RAMP1: variants seen among roughly 807,000 people sequenced by gnomAD.
RAMP1 encodes receptor activity-modifying protein 1.
In RAMP1, 7 loss-of-function variants were observed where a neutral mutation model predicts 8.2. That is an observed-to-expected ratio of 0.85 (90% confidence interval 0.49 to 1.60). The LOEUF is 1.60. Ranked by LOEUF, RAMP1 falls within the 40% of genes most tolerant of loss-of-function variation. RAMP1 has a pLI of 0.00. For missense variants in RAMP1, 192 were observed against 202.4 expected, an observed-to-expected ratio of 0.95 and a Z score of 0.31; for synonymous variants, 92 against 84.7, an observed-to-expected ratio of 1.09 and a Z score of -0.47.
chr2:237,872,151 G>A (rs556875653), intron 1 of RAMP1, among the ~76,000 whole-genome samples: 1 of 152,184 alleles, frequency 6.6e-6, no homozygotes, highest in Non-Finnish European at 1.5e-5. Context: ...AGTATGGATC[G>A]AGCCTGCGCT....
At chr2:237,873,553 A>G (rs13400483) in intron 1 of RAMP1, among the ~76,000 whole-genome samples, 3,462 of 152,194 alleles carry the variant, frequency 0.023, 125 homozygotes, top group African/African-American at 0.076. Context: ...GAACCCCCTC[A>G]AGCAACACTG....
At chr2:237,863,586 T>C (rs2062152048) in intron 1 of RAMP1, among the ~76,000 whole-genome samples, 1 of 152,204 alleles carries the variant, frequency 6.6e-6, no homozygotes, top group Admixed American at 6.5e-5. Context: ...AAAATATTTT[T>C]TTCCTAAGAT....
At chr2:237,897,744 G>A (rs2062555174) in intron 2 of RAMP1, among the ~76,000 whole-genome samples, 1 of 145,584 alleles carries the variant, frequency 6.9e-6, no homozygotes, top group Non-Finnish European at 1.5e-5. Context: ...CGTGGATGCT[G>A]TCATTCTTCT....
rs2062325379 is a variant in RAMP1, at chr2:237,877,870, C to A, written c.191+508C>A. The A allele has an allele frequency of 1.2e-6, 1 of 809,528 alleles. No homozygotes were observed. The highest frequency in any genetic ancestry group is 1.5e-6 in the Non-Finnish European group (1 of 669,752). The allele number at this position is 809,528 out of a possible 1,614,324, so 50.1% of individuals were successfully genotyped here. On this transcript the variant is annotated intron_variant, in intron 2 of 2. Coordinates refer to ENST00000254661, the MANE Select transcript of RAMP1 (RefSeq NM_005855.4). The surrounding 1 kb of genome is among the most constrained non-coding windows in gnomAD (Gnocchi z 4.4). ...CAGGACGGCTTCAGCCGAACCCTTCCCCACCTGGCCCGATCCTCCTGCCCA... is the reference window on the plus strand; with the variant it reads ...CAGGACGGCTTCAGCCGAACCCTTCACCACCTGGCCCGATCCTCCTGCCCA...
In RAMP1 at chr2:237,859,667, C is replaced by T; in HGVS notation, c.-9C>T. On this transcript the variant is annotated 5_prime_UTR_variant, in exon 1 of 3. Transcript: ENST00000254661. Reference sequence around the variant, plus strand: ...GGCGAGCGGACTCGACTCGGCACCGCTGTGCACCATGGCCCGGGCCCTGTG... The same window carrying T: ...GGCGAGCGGACTCGACTCGGCACCGTTGTGCACCATGGCCCGGGCCCTGTG... 6.7e-7 allele frequency: 1 copy of T among 1,497,772 alleles called. No homozygotes were observed. Among genetic ancestry groups the T allele is most frequent in the East Asian group, 2.9e-5 (1 of 34,874 alleles). 92.8% of individuals were successfully genotyped at this position (1,497,772 alleles called of 1,614,324 possible).
intron 1 of RAMP1, among the ~76,000 whole-genome samples, chr2:237,874,892 C>A (rs1028149305): frequency 2.6e-5 from 4 of 152,224 alleles, no homozygotes; most frequent in Admixed American, 1.3e-4. Context: ...GGTAAGGGGG[C>A]AGGCTTCCCA....
In RAMP1 at chr2:237,877,271, G is replaced by GC; in HGVS notation, c.103dup (p.Leu35ProfsTer24). 1 of 1,614,060 alleles carries GC rather than the reference G, an allele frequency of 6.2e-7. No individual in the cohort carries two copies. ...TGCCTGCCAGGAGGCTAACTACGGTGCCCTCCTCCGGGAGCTCTGCCTCAC... is the reference window on the plus strand; with the variant it reads ...TGCCTGCCAGGAGGCTAACTACGGTGCCCCTCCTCCGGGAGCTCTGCCTCAC... On this transcript the variant is annotated frameshift_variant, in exon 2 of 3. Transcript: ENST00000254661. LOFTEE classifies it high-confidence loss of function. The surrounding 1 kb of genome is among the most constrained non-coding windows in gnomAD (Gnocchi z 4.4).
rs1323560625 is a variant in RAMP1, at chr2:237,878,021, G to T, written c.191+659G>T. ...CAGGCTCCTCTGCCTCCAGAGCGGC[G>T]ATCAGAACTCGGCATGTCCGCAATC... On this transcript the variant is annotated intron_variant, in intron 2 of 2. Transcript: ENST00000254661. The surrounding 1 kb of genome is among the most constrained non-coding windows in gnomAD (Gnocchi z 5.7). The T allele has an allele frequency of 1.0e-6, 1 of 985,324 alleles. No individual in the cohort carries two copies. Among genetic ancestry groups the T allele is most frequent in the Non-Finnish European group, 1.2e-6 (1 of 829,936 alleles). 61.0% of individuals were successfully genotyped at this position (985,324 alleles called of 1,614,324 possible).
At chr2:237,894,186 G>A (rs2062514522) in intron 2 of RAMP1, among the ~76,000 whole-genome samples, 1 of 151,846 alleles carries the variant, frequency 6.6e-6, no homozygotes, top group Non-Finnish European at 1.5e-5. Context: ...GCCCAGGCTG[G>A]TCTTGAACTC....
chr2:237,884,430 G>A (rs2062406766), intron 2 of RAMP1, among the ~76,000 whole-genome samples: 1 of 152,212 alleles, frequency 6.6e-6, no homozygotes, highest in South Asian at 2.1e-4. Flanking sequence ...AGGGGAGGGA[G>A]AGAGAAGGCA....
At chr2:237,906,783 C>T (rs984472803) in intron 2 of RAMP1, among the ~76,000 whole-genome samples, 12 of 132,102 alleles carry the variant, frequency 9.1e-5, no homozygotes, top group African/African-American at 3.4e-4. Flanking sequence ...AGTGCAATGG[C>T]GTGATCTCAA....
chr2:237,879,481 T>G (rs1576541934), intron 2 of RAMP1, among the ~76,000 whole-genome samples: 1 of 149,080 alleles, frequency 6.7e-6, no homozygotes, highest in Admixed American at 6.6e-5. Flanking sequence ...GGAATTTTCG[T>G]TTTTTTATTA....
At chr2:237,860,649 T>A (rs998292731) in intron 1 of RAMP1, among the ~76,000 whole-genome samples, 1 of 152,140 alleles carries the variant, frequency 6.6e-6, no homozygotes, top group Non-Finnish European at 1.5e-5. Context: ...GAGAACCCAG[T>A]GTCCCTGGGA....
chr2:237,902,246 G>A (rs1407486713), intron 2 of RAMP1, among the ~76,000 whole-genome samples: 1 of 149,724 alleles, frequency 6.7e-6, no homozygotes, highest in Non-Finnish European at 1.5e-5. Flanking sequence ...TGAGGTGGGG[G>A]CCTGGAGCAA....
intron 2 of RAMP1, among the ~76,000 whole-genome samples, chr2:237,880,601 C>T (rs945287064): frequency 2.6e-5 from 4 of 152,138 alleles, no homozygotes; most frequent in South Asian, 2.1e-4. Flanking sequence ...GCCATGGTAT[C>T]GAGAAAGGCT....
chr2:237,859,915 G>A (rs539495091), intron 1 of RAMP1, 188 bp downstream of exon 1: 116 of 518,128 alleles, frequency 2.2e-4, no homozygotes, highest in Admixed American at 5.3e-4. Context: ...GCACAGGGGA[G>A]GCGGAGGGCG....
At chr2:237,904,729 C>T (rs1253820588) in intron 2 of RAMP1, among the ~76,000 whole-genome samples, 1 of 152,170 alleles carries the variant, frequency 6.6e-6, no homozygotes, top group African/African-American at 2.4e-5. Context: ...TCAAAAAGGA[C>T]AAGAAATGTA....
intron 2 of RAMP1, among the ~76,000 whole-genome samples, chr2:237,888,340 C>T (rs1326787696): frequency 1.3e-5 from 2 of 152,134 alleles, no homozygotes; most frequent in Non-Finnish European, 2.9e-5. Context: ...CGTGAGCCAC[C>T]ACGCCCGGCC....
At chr2:237,873,676 A>G (rs577108203) in intron 1 of RAMP1, among the ~76,000 whole-genome samples, 7 of 152,228 alleles carry the variant, frequency 4.6e-5, no homozygotes, top group Non-Finnish European at 1.5e-5. Context: ...TTTGAAAGAC[A>G]TGAGTTATGA....
Sources: allele counts gnomAD v4.1 joint callset (sites outside exome capture counted in the v4.1 genomes callset), GRCh38; gene constraint gnomAD v4.1.1; non-coding constraint Gnocchi (gnomAD v3.1); transcripts MANE v1.5; gene names NCBI Gene and HGNC (gene_info 2026-07-23, HGNC 2026-07-21).